IFT140: variants seen among roughly 807,000 people sequenced by gnomAD.
IFT140 encodes intraflagellar transport protein 140 homolog.
A neutral mutation model predicts 164.6 loss-of-function variants in IFT140; 133 were observed. The ratio of observed to expected loss-of-function variants is 0.81; its 90% CI spans 0.70 to 0.93. The LOEUF is 0.93. Among genes scored for constraint, IFT140 ranks in the 40% least tolerant of loss-of-function variants. The pLI is 0.00. For missense variants in IFT140, 2,045 were observed against 1,972.3 expected, an observed-to-expected ratio of 1.04 and a Z score of -0.70; for synonymous variants, 860 against 817.3, an observed-to-expected ratio of 1.05 and a Z score of -0.89.
chr16:1,543,178 G>A (rs767054357), intron 19 of IFT140, among the ~76,000 whole-genome samples: 2 of 152,260 alleles, frequency 1.3e-5, no homozygotes, highest in Admixed American at 6.5e-5. Flanking sequence ...TGACCAGCAC[G>A]GAGCTGCCCG....
chr16:1,579,921 G>C (rs953956724), intron 13 of IFT140, among the ~76,000 whole-genome samples: 3 of 148,212 alleles, frequency 2.0e-5, no homozygotes, highest in Non-Finnish European at 4.4e-5. Context: ...CTGAGATCAC[G>C]CCACTGTACT....
chr16:1,534,901 C>T (rs1050502595), intron 19 of IFT140, among the ~76,000 whole-genome samples: 17 of 152,216 alleles, frequency 1.1e-4, no homozygotes, highest in African/African-American at 3.9e-4. Context: ...GGCATTTTTC[C>T]TTGGTTGAAA....
In IFT140 at chr16:1,510,806, G is replaced by A. The variant is rs1020444517; in HGVS notation, c.*138C>T. On this transcript the variant is annotated 3_prime_UTR_variant, in exon 31 of 31. Coordinates refer to ENST00000426508, the MANE Select transcript of IFT140 (RefSeq NM_014714.4). ...ACCCTCCGCCGGCCCGGGCCGCTGC[G>A]TTCTCGCCCAGCTCTGTCGCGTATT... The A allele has an allele frequency of 1.2e-4, 102 of 833,646 alleles. 1 individual carries two copies. The African/African-American group carries it at 1.3e-3, about 11-fold the overall frequency. 51.6% of individuals were successfully genotyped at this position (833,646 alleles called of 1,614,324 possible). A position where few individuals can be genotyped will look rare whatever the true frequency, so the allele number is the denominator to read the frequency against.
intron 13 of IFT140, chr16:1,577,656 C>T (rs1256248180): frequency 6.6e-6 from 1 of 152,138 alleles, no homozygotes; most frequent in Non-Finnish European, 1.5e-5. Context: ...GAGTTCGAGA[C>T]TAGGCTGGCC....
chr16:1,606,130 T>G (rs1477340919), intron 3 of IFT140, among the ~76,000 whole-genome samples: 2 of 152,150 alleles, frequency 1.3e-5, no homozygotes, highest in Non-Finnish European at 2.9e-5. Context: ...GACACCTGAT[T>G]TTGGAGTTCT....
Position 1,520,107 on chromosome 16 carries a change from T to C in IFT140, c.3873+24A>G, listed in dbSNP as rs200660371. ...TCCACAGCCCTCCCCGGGGCCCCGC[T>C]GGCATGCCAGGGAGGGCCTGCACCT... On this transcript the variant is annotated intron_variant, in intron 28 of 30. Coordinates refer to ENST00000426508, the MANE Select transcript of IFT140 (RefSeq NM_014714.4). 1,421 of 1,611,944 alleles carry C rather than the reference T, an allele frequency of 8.8e-4. 15 individuals carry two copies. In the African/African-American group the frequency reaches 0.017, roughly 19 times the overall value.
At position 1,553,823 on chromosome 16, in the gene IFT140, C is replaced by A; in HGVS notation, c.2399+4112G>T. 1 of 1,207,246 alleles carries A rather than the reference C, an allele frequency of 8.3e-7. No individual in the cohort carries two copies. 74.8% of individuals were successfully genotyped at this position (1,207,246 alleles called of 1,614,324 possible). ...ATGTTTCCAGCTGGATTAGGACGCC[C>A]GGCTCCATCGCTGCGGCCACAGTGT... On this transcript the variant is annotated intron_variant, in intron 19 of 30. Coordinates refer to ENST00000426508, the MANE Select transcript of IFT140 (RefSeq NM_014714.4). The surrounding 1 kb of genome is among the most constrained non-coding windows in gnomAD (Gnocchi z 4.4).
chr16:1,609,421 C>T (rs776606324), intron 2 of IFT140, among the ~76,000 whole-genome samples: 1 of 152,104 alleles, frequency 6.6e-6, no homozygotes, highest in Non-Finnish European at 1.5e-5. Flanking sequence ...TGCTTCTTGC[C>T]CAGTGTCCCC....
In IFT140 at chr16:1,524,675, C is replaced by T. The variant is rs918293364; in HGVS notation, c.3018G>A (p.Glu1006=). ...NVQKAAQIAN[E]TGNLAASYHL... Reference sequence around the variant, plus strand: ...GGTAGGAGGCCGCCAGGTTTCCTGTCTCGTTGGCTATTTGCGCAGCCTAGA... The same window carrying T: ...GGTAGGAGGCCGCCAGGTTTCCTGTTTCGTTGGCTATTTGCGCAGCCTAGA... The change falls in exon 24 of 31, where the codon GAG becomes GAA. Residue 1006 remains glutamate, a synonymous_variant. Transcript: ENST00000426508. The T allele has an allele frequency of 1.3e-6, 2 of 1,576,192 alleles. No individual in the cohort carries two copies. Among genetic ancestry groups the T allele is most frequent in the African/African-American group, 2.7e-5 (2 of 73,944 alleles).
At position 1,584,256 on chromosome 16, in the gene IFT140, C is replaced by T. The variant is rs1238868137; in HGVS notation, c.1320G>A (p.Leu440=). ...CFLSTGVAHS[L]RTDMHISGVF... The stretch of plus-strand genomic sequence containing the variant: ...CTCCACTGATGTGCATGTCGGTGCG[C>T]AGGCTGTGTGCGACCCCCGTGGACA... The change falls in exon 11 of 31, where the codon CTG becomes CTA. Residue 440 remains leucine (L), a synonymous_variant. Transcript: ENST00000426508. 2.5e-6 allele frequency: 4 copies of T among 1,613,780 alleles called. No homozygotes were observed. Among genetic ancestry groups the T allele is most frequent in the Non-Finnish European group, 3.4e-6 (4 of 1,179,984 alleles).
chr16:1,609,969 A>G (rs1434621040), intron 2 of IFT140: 2 of 152,274 alleles, frequency 1.3e-5, no homozygotes, highest in Non-Finnish European at 2.9e-5. Context: ...TCTCACTTTC[A>G]GGCGTCCAGC....
chr16:1,572,039 G>C (rs1208209953), intron 13 of IFT140, among the ~76,000 whole-genome samples: 1 of 152,008 alleles, frequency 6.6e-6, no homozygotes, highest in African/African-American at 2.4e-5. Context: ...TGGGGGAGAG[G>C]AAGGATGCTA....
At chr16:1,574,994 G>C (rs2141673475) in intron 13 of IFT140, among the ~76,000 whole-genome samples, 1 of 152,296 alleles carries the variant, frequency 6.6e-6, no homozygotes, top group African/African-American at 2.4e-5. Flanking sequence ...GAAGGGTCAT[G>C]AGGGATCACT....
At chr16:1,596,746 G>A (rs1265244787) in intron 4 of IFT140, among the ~76,000 whole-genome samples, 2 of 152,072 alleles carry the variant, frequency 1.3e-5, no homozygotes, top group Non-Finnish European at 2.9e-5. Flanking sequence ...GTAGAACTGA[G>A]CCCGAGGCGC....
intron 4 of IFT140, among the ~76,000 whole-genome samples, chr16:1,597,347 T>TG (rs2035516648): frequency 6.6e-6 from 1 of 152,224 alleles, no homozygotes; most frequent in African/African-American, 2.4e-5. Flanking sequence ...TGTGGGCACT[T>TG]GGCCCGAGCT....
In IFT140 at chr16:1,553,636, A is replaced by G. The variant is rs1377013280; in HGVS notation, c.2399+4299T>C. ...GAAACAGACTCACTCAGGTTACTGT[A>G]ACAGAGAGGGAGGGGTGCTGGGTGG... On this transcript the variant is annotated intron_variant, in intron 19 of 30. Transcript: ENST00000426508. This position sits in a 1 kb window ranked among gnomAD's most constrained non-coding sequence, Gnocchi z 4.4. 20 of 1,060,346 alleles carry G rather than the reference A, an allele frequency of 1.9e-5. No individual in the cohort carries two copies. The highest frequency in any genetic ancestry group is 2.3e-5 in the Non-Finnish European group (20 of 872,238). The allele number at this position is 1,060,346 out of a possible 1,614,324, so 65.7% of individuals were successfully genotyped here.
chr16:1,593,768 G>A (rs962930083), intron 4 of IFT140, among the ~76,000 whole-genome samples: 9 of 152,064 alleles, frequency 5.9e-5, no homozygotes, highest in Non-Finnish European at 8.8e-5. Flanking sequence ...TGTCACTGCC[G>A]GCATTGACCT....
Position 1,592,481 on chromosome 16 carries a change from G to T in IFT140, c.477C>A (p.Leu159=), listed in dbSNP as rs201338414. ...CCCACACTTACTCGCCAGGAGGGGGGAGCCGGAAGATGCAGTGCGTGAGGT... is the reference window on the plus strand; with the variant it reads ...CCCACACTTACTCGCCAGGAGGGGGTAGCCGGAAGATGCAGTGCGTGAGGT... ...GKHLTHCIFR[L]PPPGEDLVQL... is the part of the protein sequence containing the mutation. Residue 159 remains leucine, a synonymous_variant, in exon 5 of 31, where the codon CTC becomes CTA. Transcript: ENST00000426508. The T allele has an allele frequency of 4.3e-6, 7 of 1,614,220 alleles. No homozygotes were observed. Among genetic ancestry groups the T allele is most frequent in the Non-Finnish European group, 5.9e-6 (7 of 1,180,038 alleles).
chr16:1,525,363 C>T, intron 21 of IFT140, 37 bp from the exon 22 acceptor site: 1 of 1,522,882 alleles, frequency 6.6e-7, no homozygotes, highest in Non-Finnish European at 9.1e-7. Flanking sequence ...CGTTCCCTCC[C>T]ATCCCAGCCC....
Sources: gnomAD v4.1 joint callset for allele counts (sites outside exome capture counted in the v4.1 genomes callset) on GRCh38, gnomAD v4.1.1 for gene constraint, Gnocchi (gnomAD v3.1) non-coding constraint, MANE v1.5 for transcripts, NCBI Gene and HGNC (gene_info 2026-07-23, HGNC 2026-07-21) for gene names.